The following RPL38 variants were observed in gnomAD, a reference collection of about 807,000 sequenced individuals.
RPL38 encodes ribosomal protein L38, also known as large ribosomal subunit protein eL38.
In RPL38, 2 loss-of-function variants were observed where a neutral mutation model predicts 12.8. That is an observed-to-expected ratio of 0.16 (90% CI 0.06 to 0.49). The LOEUF (loss-of-function observed/expected upper bound fraction) is 0.49, where lower values mean the gene tolerates loss of function less well. RPL38 is among the 20% of genes least tolerant of loss of function. RPL38 has a pLI of 0.96. For missense variants in RPL38, 52 were observed against 79.8 expected (o/e 0.65, Z 1.33); for synonymous variants, 42 against 30.1 (o/e 1.39, Z -1.29).
chr17:74,209,834 GAC>G lies in RPL38; in HGVS notation c.*10_*11del. On this transcript the variant is annotated 3_prime_UTR_variant, in exon 5 of 5. Coordinates refer to ENST00000311111, the MANE Select transcript of RPL38 (RefSeq NM_000999.4). ...GCAGTGAAGGAACTGAAATGAACCA[GAC>G]ACACTGATTGGAACTGTATTATATT... 1 of 1,608,988 alleles carries G rather than the reference GAC, an allele frequency of 6.2e-7. No individual in the cohort carries two copies. The highest frequency in any genetic ancestry group is 8.5e-7 in the Non-Finnish European group (1 of 1,175,330).
rs1328918381 is a variant in RPL38 at position 74,209,993 on chromosome 17, TTTTTC to T, written c.*168_*172del. On this transcript the variant is annotated 3_prime_UTR_variant, in exon 5 of 5. Coordinates refer to ENST00000311111, the MANE Select transcript of RPL38 (RefSeq NM_000999.4). ...CTTCCTGTGTCTTTTTTTTTTTTTT[TTTTTC>T]TTTCTTTGAGACGGAGTCTTGCTCT... 3.7e-4 allele frequency: 214 copies of T among 576,718 alleles called. No homozygotes were observed. The highest frequency in any genetic ancestry group is 1.1e-3 in the Middle Eastern group (4 of 3,766). The allele number at this position is 576,718 out of a possible 1,614,324, so 35.7% of individuals were successfully genotyped here. A position where few individuals can be genotyped will look rare whatever the true frequency, so the allele number is the denominator to read the frequency against.
At position 74,209,339 on chromosome 17, in the gene RPL38, G is replaced by A. The variant is rs561484616; in HGVS notation, c.187+30G>A. On this transcript the variant is annotated intron_variant, in intron 4 of 4. Coordinates refer to ENST00000311111, the MANE Select transcript of RPL38 (RefSeq NM_000999.4). ...GTGAGCCTGAAGTCACTTCAGGGGC[G>A]GGTGGGGTTTGGAAGGTTGCTGTGT... 109 of 1,609,376 alleles carry A rather than the reference G, an allele frequency of 6.8e-5. No individual in the cohort carries two copies. Among genetic ancestry groups the A allele is most frequent in the Non-Finnish European group, 8.7e-5 (102 of 1,178,040 alleles).
Position 74,210,411 on chromosome 17 carries a change from A to G in RPL38, c.*582A>G, listed in dbSNP as rs1189562698. ...GCATGCCATTCAAACAGGTCCCAAA[A>G]TGGGTGCAACAAGGTATAGCACATC... On this transcript the variant is annotated 3_prime_UTR_variant, in exon 5 of 5. Coordinates refer to ENST00000311111, the MANE Select transcript of RPL38 (RefSeq NM_000999.4). 1 of 152,792 alleles carries G rather than the reference A, an allele frequency of 6.5e-6. No homozygotes were observed. Among genetic ancestry groups the G allele is most frequent in the African/African-American group, 2.4e-5 (1 of 41,446 alleles). 9.5% of individuals were successfully genotyped at this position (152,792 alleles called of 1,614,324 possible). A position where few individuals can be genotyped will look rare whatever the true frequency, so the allele number is the denominator to read the frequency against.
Position 74,203,688 on chromosome 17 carries a change from CT to C in RPL38, c.-92del. 3.9e-6 allele frequency: 2 copies of C among 507,468 alleles called. No individual in the cohort carries two copies. The highest frequency in any genetic ancestry group is 3.5e-6 in the Non-Finnish European group (1 of 287,292). The allele number at this position is 507,468 out of a possible 1,614,324, so 31.4% of individuals were successfully genotyped here. A position where few individuals can be genotyped will look rare whatever the true frequency, so the allele number is the denominator to read the frequency against. ...AACGGAAGTCTCGTTCTTTTTCGTC[CT>C]TTTCCCCGGTTGCTGCTTGCTGTGA... On this transcript the variant is annotated 5_prime_UTR_variant, in exon 1 of 5. Coordinates refer to ENST00000311111, the MANE Select transcript of RPL38 (RefSeq NM_000999.4).
At chr17:74,206,708 C>CTTTTTTTTTTTT (rs35333460) in intron 3 of RPL38, among the ~76,000 whole-genome samples, 11 of 101,590 alleles carry the variant, frequency 1.1e-4, no homozygotes, top group East Asian at 6.1e-4. Context: ...TTTTTTCTTT[C>CTTTTTTTTTTTT]TTTTTTTTTT....
chr17:74,203,814 G>T, intron 1 of RPL38, 69 bp downstream of exon 1: 4 of 1,067,324 alleles, frequency 3.7e-6, no homozygotes, highest in Admixed American at 2.8e-5. Flanking sequence ...GTGTCGGGGA[G>T]GAGAAGGGGA....
At position 74,210,654 on chromosome 17, in the gene RPL38, G is replaced by A. The variant is rs4789637; in HGVS notation, c.*825G>A. The A allele has an allele frequency of 0.2, 29,956 of 152,204 alleles. 7,656 individuals carry two copies. The highest frequency in any genetic ancestry group is 0.6 in the African/African-American group (24,731 of 41,450). 9.4% of individuals were successfully genotyped at this position (152,204 alleles called of 1,614,324 possible). ...CATCATAAAATCTGTCTTCATACCC[G>A]AGGTAGTGTTTTTTGTTTTTTTAAG... On this transcript the variant is annotated 3_prime_UTR_variant, in exon 5 of 5. Transcript: ENST00000311111.
At chr17:74,204,830 GC>G (rs1184180581) in intron 3 of RPL38, 1 of 152,162 alleles carries the variant, frequency 6.6e-6, no homozygotes, top group Non-Finnish European at 1.5e-5. Context: ...AAGTAGCTGG[GC>G]GCGCCACCAT....
intron 3 of RPL38, chr17:74,205,333 C>T (rs1209932056): frequency 1.3e-5 from 2 of 152,148 alleles, no homozygotes; most frequent in African/African-American, 2.4e-5. Flanking sequence ...AATCAGGTCA[C>T]ATGTGGAAGT....
In RPL38 at chr17:74,203,911, C is replaced by G. The variant is rs764783196; in HGVS notation, c.-38-7C>G. The G allele has an allele frequency of 5.6e-5, 89 of 1,584,346 alleles. No individual in the cohort carries two copies. The highest frequency in any genetic ancestry group is 5.1e-4 in the South Asian group (45 of 88,638). On this transcript the variant is annotated splice_region_variant and splice_polypyrimidine_tract_variant and intron_variant, in intron 1 of 4. Transcript: ENST00000311111. ...GCCGTGTTAACGCCGAGGACTGTTTCCCGCAGGTCCTGGTCCGCGCCAGAG... is the reference window on the plus strand; with the variant it reads ...GCCGTGTTAACGCCGAGGACTGTTTGCCGCAGGTCCTGGTCCGCGCCAGAG...
rs2050152195 is a variant in RPL38 at position 74,210,040 on chromosome 17, C to CA, written c.*212dup. 1 of 504,566 alleles carries CA rather than the reference C, an allele frequency of 2.0e-6. No homozygotes were observed. Among genetic ancestry groups the CA allele is most frequent in the East Asian group, 3.4e-5 (1 of 29,280 alleles). The allele number at this position is 504,566 out of a possible 1,614,324, so 31.3% of individuals were successfully genotyped here. ...TCTTGCTCTGTGGCTCATCCTGGAG[C>CA]ACAGTGGTGCGATATCAGCTCACTA... On this transcript the variant is annotated 3_prime_UTR_variant, in exon 5 of 5. Coordinates refer to ENST00000311111, the MANE Select transcript of RPL38 (RefSeq NM_000999.4).
Position 74,209,299 on chromosome 17 carries a change from C to G in RPL38, c.177C>G (p.Ser59=), listed in dbSNP as rs769998546. ...AGAAGGCAGAGAAACTGAAGCAGTC[C>G]CTGCCCCCCGGTGAGTGAGCCTGAA... ...DKEKAEKLKQ[S]LPPGLAVKEL... is the part of the protein sequence containing the mutation. Residue 59 remains serine (S), a synonymous_variant, in exon 4 of 5, where the codon TCC becomes TCG. Transcript: ENST00000311111. 6.2e-7 allele frequency: 1 copy of G among 1,613,938 alleles called. No individual in the cohort carries two copies. Among genetic ancestry groups the G allele is most frequent in the Non-Finnish European group, 8.5e-7 (1 of 1,179,966 alleles).
chr17:74,207,132 C>T (rs1460624505), intron 3 of RPL38, among the ~76,000 whole-genome samples: 2 of 152,108 alleles, frequency 1.3e-5, no homozygotes, highest in Admixed American at 1.3e-4. Context: ...CCACCTTAGC[C>T]TCCAGAGTCT....
At chr17:74,206,711 T>TC (rs1479998709) in intron 3 of RPL38, among the ~76,000 whole-genome samples, 3 of 131,854 alleles carry the variant, frequency 2.3e-5, no homozygotes, top group East Asian at 2.0e-4. Context: ...TTTCTTTCTT[T>TC]TTTTTTTTTT....
rs1184988978 is a variant in RPL38, at chr17:74,204,200, T to C, written c.64+10T>C. The C allele has an allele frequency of 2.5e-6, 4 of 1,613,920 alleles. No individual in the cohort carries two copies. The highest frequency in any genetic ancestry group is 3.4e-6 in the Non-Finnish European group (4 of 1,179,768). On this transcript the variant is annotated intron_variant, in intron 3 of 4. Coordinates refer to ENST00000311111, the MANE Select transcript of RPL38 (RefSeq NM_000999.4). ...CGAAAGGATGCCAAATGTAAGTGGT[T>C]GCTCCGAAGGTTCAAGAAGAGCGGT... is the stretch of plus-strand genomic sequence containing the variant.
Position 74,203,899 on chromosome 17 carries a change from C to T in RPL38, c.-38-19C>T, listed in dbSNP as rs1001124697. ...GCCAGCCCCCGCGCCGTGTTAACGCCGAGGACTGTTTCCCGCAGGTCCTGG... is the reference window on the plus strand; with the variant it reads ...GCCAGCCCCCGCGCCGTGTTAACGCTGAGGACTGTTTCCCGCAGGTCCTGG... On this transcript the variant is annotated intron_variant, in intron 1 of 4. Coordinates refer to ENST00000311111, the MANE Select transcript of RPL38 (RefSeq NM_000999.4). 24 of 1,573,742 alleles carry T rather than the reference C, an allele frequency of 1.5e-5. No individual in the cohort carries two copies. Among genetic ancestry groups the T allele is most frequent in the Non-Finnish European group, 2.0e-5 (23 of 1,157,974 alleles).
chr17:74,205,208 T>G (rs1161730540), intron 3 of RPL38: 2 of 152,182 alleles, frequency 1.3e-5, no homozygotes, highest in African/African-American at 4.8e-5. Context: ...TGAGAGGTAG[T>G]TGTGTTACTC....
At chr17:74,208,168 A>G (rs2050132088) in intron 3 of RPL38, among the ~76,000 whole-genome samples, 1 of 152,216 alleles carries the variant, frequency 6.6e-6, no homozygotes, top group Non-Finnish European at 1.5e-5. Flanking sequence ...CTTGATTGGC[A>G]CATCACTGCT....
intron 3 of RPL38, chr17:74,204,656 C>T: frequency 6.1e-6 from 1 of 165,278 alleles, no homozygotes; most frequent in South Asian, 1.4e-4. Flanking sequence ...GGTCGCTGGC[C>T]AGTGTCAGAA....
Sources: gnomAD v4.1 joint callset for allele counts (sites outside exome capture counted in the v4.1 genomes callset) on GRCh38, gnomAD v4.1.1 for gene constraint, MANE v1.5 for transcripts, NCBI Gene and HGNC (gene_info 2026-07-23, HGNC 2026-07-21) for gene names.